The following RHOBTB1 variants were observed in gnomAD, a reference collection of about 807,000 sequenced individuals.
RHOBTB1 encodes Rho related BTB domain containing 1.
In RHOBTB1, 40 loss-of-function variants were observed where a neutral mutation model predicts 71.6. That is an observed-to-expected ratio of 0.56 (90% confidence interval 0.43 to 0.73). The LOEUF is 0.73. RHOBTB1 is among the 30% of genes least tolerant of loss of function. RHOBTB1 has a pLI of 0.00. For missense variants in RHOBTB1, 797 were observed against 894.0 expected (o/e 0.89, Z 1.38); for synonymous variants, 319 against 334.9 (o/e 0.95, Z 0.52).
At chr10:60,861,394 A>G in the RHOBTB1 span, among the ~76,000 whole-genome samples, 100 of 152,316 alleles carry the variant, frequency 6.6e-4, no homozygotes, top group African/African-American at 2.3e-3. Context: ...GACAGCTGTA[A>G]TGTATTCTCC....
At chr10:60,968,400 G>T (rs1467960243) in intron 2 of RHOBTB1, among the ~76,000 whole-genome samples, 6 of 152,074 alleles carry the variant, frequency 3.9e-5, no homozygotes, top group Non-Finnish European at 8.8e-5. Flanking sequence ...TTTAAAACAG[G>T]AGTATGAGCA....
chr10:60,972,482 C>T (rs2086191312), intron 2 of RHOBTB1, among the ~76,000 whole-genome samples: 1 of 151,916 alleles, frequency 6.6e-6, no homozygotes, highest in African/African-American at 2.4e-5. Context: ...AGGAGATGAA[C>T]AATGAGAACA....
chr10:60,972,844 A>G (rs1365548557), intron 2 of RHOBTB1, among the ~76,000 whole-genome samples: 2 of 152,034 alleles, frequency 1.3e-5, no homozygotes, highest in African/African-American at 4.8e-5. Context: ...GTCAAATGCA[A>G]TTTGCTCTAT....
At chr10:60,967,202 A>C (rs771389915) in intron 2 of RHOBTB1, among the ~76,000 whole-genome samples, 1 of 150,930 alleles carries the variant, frequency 6.6e-6, no homozygotes, top group Non-Finnish European at 1.5e-5. Context: ...ATAGCAAGTA[A>C]AAAGGAAAAT....
At chr10:60,950,368 T>C (rs1028495178) in intron 2 of RHOBTB1, among the ~76,000 whole-genome samples, 1 of 152,198 alleles carries the variant, frequency 6.6e-6, no homozygotes, top group Non-Finnish European at 1.5e-5. Context: ...GATTTCAACT[T>C]TACCTAATTA....
intron 2 of RHOBTB1, among the ~76,000 whole-genome samples, chr10:60,951,373 C>T (rs971374848): frequency 7.9e-5 from 12 of 152,152 alleles, no homozygotes; most frequent in African/African-American, 1.4e-4. Context: ...TCACTTCTTG[C>T]GCCTGACTCA....
chr10:60,862,133 T>TTC, the RHOBTB1 span, among the ~76,000 whole-genome samples: 2 of 144,850 alleles, frequency 1.4e-5, no homozygotes, highest in Admixed American at 1.4e-4. Context: ...CTCTCTCTCC[T>TTC]TCTCTCTCTC....
chr10:60,953,401 G>T (rs2085480264), intron 2 of RHOBTB1, among the ~76,000 whole-genome samples: 1 of 152,086 alleles, frequency 6.6e-6, no homozygotes, highest in Non-Finnish European at 1.5e-5. Context: ...AAGTTACATG[G>T]CACCTGAAGA....
At chr10:60,979,697 T>C (rs2134782144) in intron 2 of RHOBTB1, among the ~76,000 whole-genome samples, 1 of 152,122 alleles carries the variant, frequency 6.6e-6, no homozygotes, top group African/African-American at 2.4e-5. Flanking sequence ...TAACAACGAG[T>C]GAATTACATC....
chr10:60,933,518 G>A (rs113566095), intron 2 of RHOBTB1, among the ~76,000 whole-genome samples: 3 of 152,014 alleles, frequency 2.0e-5, no homozygotes, highest in African/African-American at 2.4e-5. Context: ...TCAGGAGTTC[G>A]AGACCAGCCT....
intron 2 of RHOBTB1, among the ~76,000 whole-genome samples, chr10:60,915,446 A>G (rs2083220177): frequency 6.6e-6 from 1 of 151,444 alleles, no homozygotes; most frequent in African/African-American, 2.4e-5. Flanking sequence ...GGTAGAAAGA[A>G]AAAAAAAAGA....
At chr10:60,907,820 A>C in intron 4 of RHOBTB1, among the ~76,000 whole-genome samples, 1 of 152,198 alleles carries the variant, frequency 6.6e-6, no homozygotes, top group East Asian at 1.9e-4. Flanking sequence ...CACAGTGGAA[A>C]GAGTGAGAGC....
chr10:60,882,431 A>G (rs200609962), intron 7 of RHOBTB1, among the ~76,000 whole-genome samples: 2 of 152,190 alleles, frequency 1.3e-5, no homozygotes, highest in East Asian at 3.8e-4. Flanking sequence ...ACCTCTGGGG[A>G]GAGAATTATG....
chr10:60,867,370 A>G (rs950864605), downstream of RHOBTB1, among the ~76,000 whole-genome samples: 9 of 152,218 alleles, frequency 5.9e-5, no homozygotes, highest in Admixed American at 6.5e-5. Flanking sequence ...ATATCTAACC[A>G]TTCTTGTATT....
At chr10:61,001,843 C>A (rs1013421001), upstream of RHOBTB1, among the ~76,000 whole-genome samples, 1 of 152,238 alleles carries the variant, frequency 6.6e-6, no homozygotes, top group Non-Finnish European at 1.5e-5. Context: ...GGCCGCCCTT[C>A]CTGGAGGCCT....
At position 60,878,034 on chromosome 10, in the gene RHOBTB1, T is replaced by A; in HGVS notation, c.1600A>T (p.Ile534Leu). Residue 534 changes from isoleucine to leucine, a missense_variant, in exon 8 of 11, where the codon ATA (isoleucine) becomes TTA (leucine). Transcript: ENST00000337910. Reference protein sequence around the residue: ...SEVYLPNINKISMQAVLDYLY... With the variant: ...SEVYLPNINKLSMQAVLDYLY... ...TAATCCAATACTGCTTGCATTGATATCTTGTTTATGTTCGGGAGATACACC... is the reference window on the plus strand; with the variant it reads ...TAATCCAATACTGCTTGCATTGATAACTTGTTTATGTTCGGGAGATACACC... 1 of 1,612,356 alleles carries A rather than the reference T, an allele frequency of 6.2e-7. No individual in the cohort carries two copies. The highest frequency in any genetic ancestry group is 1.1e-5 in the South Asian group (1 of 90,486).
chr10:60,871,710 TAGGCCTTG>T (rs1289301277), intron 10 of RHOBTB1, 59 bp from the exon 11 acceptor site: 57 of 1,510,530 alleles, frequency 3.8e-5, no homozygotes, highest in Non-Finnish European at 5.4e-6. Context: ...TTTTATGTGC[TAGGCCTTG>T]AGCTTAAAGC....
downstream of RHOBTB1, among the ~76,000 whole-genome samples, chr10:60,865,151 G>A (rs1164613003): frequency 6.6e-6 from 1 of 152,180 alleles, no homozygotes; most frequent in African/African-American, 2.4e-5. Context: ...TCTGTGGGGG[G>A]ACAGGAAACT....
intron 2 of RHOBTB1, among the ~76,000 whole-genome samples, chr10:60,919,643 G>A (rs1268287113): frequency 6.6e-6 from 1 of 152,134 alleles, no homozygotes; most frequent in Non-Finnish European, 1.5e-5. Context: ...GGACTGTTTT[G>A]ATTAAAAAAG....
Sources: gnomAD v4.1 joint callset for allele counts (sites outside exome capture counted in the v4.1 genomes callset) on GRCh38, gnomAD v4.1.1 for gene constraint, MANE v1.5 for transcripts, NCBI Gene and HGNC (gene_info 2026-07-23, HGNC 2026-07-21) for gene names.